Variants in LETM1 observed in about 807,000 individuals in gnomAD.
LETM1 encodes the protein mitochondrial proton/calcium exchanger protein.
In LETM1, 50 loss-of-function variants were observed where a neutral mutation model predicts 74.5. That is an observed-to-expected ratio of 0.67 (90% confidence interval 0.53 to 0.85). The LOEUF is 0.85. Among genes scored for constraint, LETM1 ranks in the 40% least tolerant of loss-of-function variants. The probability of loss-of-function intolerance (pLI) is 0.00; values close to 1 mark genes in which losing one functional copy is unlikely to be tolerated. For missense variants in LETM1, 824 were observed against 967.8 expected (o/e 0.85, Z 1.97); for synonymous variants, 446 against 407.1 (o/e 1.10, Z -1.15).
rs563780370 is a variant in LETM1 at position 1,816,378 on chromosome 4, G to A, written c.1931+349C>T. Among the ~76,000 whole-genome samples, 71 of 152,336 alleles carry A rather than the reference G, an allele frequency of 4.7e-4. 1 individual carries two copies. In the Middle Eastern group the frequency reaches 0.014, roughly 29 times the overall value. On this transcript the variant is annotated intron_variant, in intron 12 of 13. Transcript: ENST00000302787. ...CGGGCACAGAGAAGGCCGACTGCCC[G>A]AGCTGGTGTCATTACTGAGCGTGGG...
chr4:1,822,113 C>A, intron 10 of LETM1, 68 bp downstream of exon 10: 3 of 1,338,270 alleles, frequency 2.2e-6, no homozygotes, highest in Non-Finnish European at 2.9e-6. Context: ...CATCCCTGCC[C>A]CACAACTGTC....
rs141640126 is a variant in LETM1 at position 1,841,474 on chromosome 4, C to T, written c.467G>A (p.Arg156Gln). 7.5e-5 allele frequency: 121 copies of T among 1,614,110 alleles called. No homozygotes were observed. The highest frequency in any genetic ancestry group is 4.6e-4 in the South Asian group (42 of 91,094). The change falls in exon 3 of 14, where the codon CGG (arginine) becomes CAG (glutamine). Residue 156 changes from arginine to glutamine, a missense_variant. Arg to Gln is a conservative substitution (Grantham distance 43). Around this residue, in one of 4 missense-constraint regions of LETM1, gnomAD observed 269 missense variants for 348.8 expected, o/e 0.77. Transcript: ENST00000302787. ...GTAGTGCTTCAGCTCGTCCAGCACCCGCTGCCCCAGGGACTTCTTCACCAC... is the reference window on the plus strand; with the variant it reads ...GTAGTGCTTCAGCTCGTCCAGCACCTGCTGCCCCAGGGACTTCTTCACCAC... ...EVVVKKSLGQ[R>Q]VLDELKHYYH...
At position 1,827,075 on chromosome 4, in the gene LETM1, G is replaced by C. The variant is rs577504875; in HGVS notation, c.1081-1392C>G. Among the ~76,000 whole-genome samples the C allele has an allele frequency of 3.3e-5, 5 of 152,272 alleles. No individual in the cohort carries two copies. The East Asian group carries it at 7.7e-4, about 24-fold the overall frequency. ...AGGGCAGCTCGCCATGCCGACCCTC[G>C]CTCTGGTTGCTGGGAACTCTTCCTG... On this transcript the variant is annotated intron_variant, in intron 6 of 13. Coordinates refer to ENST00000302787, the MANE Select transcript of LETM1 (RefSeq NM_012318.3).
At chr4:1,823,880 G>T in intron 7 of LETM1, 105 bp from the exon 8 acceptor site, 1 of 1,292,658 alleles carries the variant, frequency 7.7e-7, no homozygotes, top group Non-Finnish European at 1.1e-6. Flanking sequence ...AGAAGACAGT[G>T]TCTCAAGTTC....
chr4:1,848,498 A>G (rs1712958061), intron 2 of LETM1, among the ~76,000 whole-genome samples: 1 of 149,806 alleles, frequency 6.7e-6, no homozygotes. Flanking sequence ...CAGTGAGCTG[A>G]TATTGCGCCA....
chr4:1,824,079 T>A (rs972612320), intron 7 of LETM1, among the ~76,000 whole-genome samples: 6 of 152,014 alleles, frequency 3.9e-5, no homozygotes, highest in Admixed American at 1.3e-4. Context: ...TCCCAGCACT[T>A]TGGGAGGCCG....
At chr4:1,852,998 C>T (rs557560541) in intron 1 of LETM1, among the ~76,000 whole-genome samples, 12 of 152,308 alleles carry the variant, frequency 7.9e-5, no homozygotes, top group African/African-American at 2.9e-4. Context: ...AGCCTCCCTA[C>T]CTGACCTCCA....
intron 2 of LETM1, 48 bp from the exon 3 acceptor site, chr4:1,841,845 T>A: frequency 1.4e-6 from 2 of 1,408,016 alleles, no homozygotes; most frequent in Non-Finnish European, 2.0e-6. Flanking sequence ...AGCACTAGCC[T>A]TTGACAGCTC....
chr4:1,820,821 C>T (rs1326088789), intron 10 of LETM1, among the ~76,000 whole-genome samples: 1 of 152,064 alleles, frequency 6.6e-6, no homozygotes, highest in East Asian at 1.9e-4. Context: ...GTCAGGAGTT[C>T]GAGACCAGCC....
intron 8 of LETM1, 83 bp downstream of exon 8, chr4:1,823,561 G>C: frequency 6.4e-7 from 1 of 1,556,494 alleles, no homozygotes. Context: ...AGGAATGAGT[G>C]CGCTTGCACA....
chr4:1,812,197 T>TC lies in LETM1; in HGVS notation c.*2226dup, dbSNP rs1722489410. 2 of 16,602 alleles carry TC rather than the reference T, an allele frequency of 1.2e-4. No homozygotes were observed. Among genetic ancestry groups the TC allele is most frequent in the African/African-American group, 4.8e-4 (2 of 4,156 alleles). The allele number at this position is 16,602 out of a possible 1,614,324, so 1.0% of individuals were successfully genotyped here. On this transcript the variant is annotated 3_prime_UTR_variant, in exon 14 of 14. Transcript: ENST00000302787. ...CTGGGAGACAGAGCAAGACTCTGTC[T>TC]CAAAAAAAAAAAAAAAAATTAGCTG...
At chr4:1,823,931 G>A (rs916495406) in intron 7 of LETM1, among the ~76,000 whole-genome samples, 156 bp from the exon 8 acceptor site, 3 of 152,112 alleles carry the variant, frequency 2.0e-5, no homozygotes, top group African/African-American at 4.8e-5. Flanking sequence ...ACCCGATGAC[G>A]GCGTTAGTAA....
intron 2 of LETM1, among the ~76,000 whole-genome samples, chr4:1,845,200 C>T (rs1210778090): frequency 2.0e-5 from 3 of 152,082 alleles, no homozygotes; most frequent in African/African-American, 7.2e-5. Context: ...CCGCACCCCC[C>T]GAAAAAAATG....
At chr4:1,816,695 G>A (rs752515277) in intron 12 of LETM1, 32 bp downstream of exon 12, 44 of 1,600,638 alleles carry the variant, frequency 2.7e-5, no homozygotes, top group Non-Finnish European at 3.7e-5. Context: ...GTGAGTCTCC[G>A]ATCCCTCTCC....
chr4:1,829,342 G>C (rs1712172519), intron 6 of LETM1, among the ~76,000 whole-genome samples: 1 of 150,536 alleles, frequency 6.6e-6, no homozygotes, highest in African/African-American at 2.5e-5. Flanking sequence ...TGGCCAGGCG[G>C]AGGGCTGACC....
chr4:1,848,937 C>A (rs1376271538), intron 2 of LETM1, among the ~76,000 whole-genome samples: 2 of 152,024 alleles, frequency 1.3e-5, no homozygotes, highest in Non-Finnish European at 2.9e-5. Context: ...CAACTGGGCA[C>A]TGAGGTTAGG....
intron 9 of LETM1, 54 bp from the exon 10 acceptor site, chr4:1,822,366 T>C (rs1711812659): frequency 7.9e-6 from 11 of 1,399,342 alleles, no homozygotes; most frequent in South Asian, 1.7e-5. Flanking sequence ...GAAGCAGTCT[T>C]CTTGCTCCCC....
At chr4:1,845,082 C>T (rs541185117) in intron 2 of LETM1, among the ~76,000 whole-genome samples, 101 of 151,462 alleles carry the variant, frequency 6.7e-4, no homozygotes, top group African/African-American at 2.3e-3. Flanking sequence ...CTCAGCTACT[C>T]GGGAGGCTGA....
At chr4:1,829,527 G>A (rs925830440) in intron 6 of LETM1, among the ~76,000 whole-genome samples, 8 of 152,240 alleles carry the variant, frequency 5.3e-5, no homozygotes, top group Non-Finnish European at 7.3e-5. Context: ...TAAAGATGCC[G>A]TTCTTGGCCA....
Sources: gnomAD v4.1 joint callset for allele counts (sites outside exome capture counted in the v4.1 genomes callset) on GRCh38, gnomAD v4.1.1 for gene constraint, gnomAD v4.1.1 regional missense constraint, MANE v1.5 for transcripts, NCBI Gene and HGNC (gene_info 2026-07-23, HGNC 2026-07-21) for gene names.